GRIA2: variants seen among roughly 807,000 people sequenced by gnomAD.
GRIA2 encodes glutamate ionotropic receptor AMPA type subunit 2.
Under a neutral mutation model 97.3 loss-of-function variants are expected in GRIA2, and 14 were observed. That is an observed-to-expected ratio of 0.14 (90% confidence interval 0.10 to 0.23). The LOEUF (loss-of-function observed/expected upper bound fraction) is 0.23, where lower values mean the gene tolerates loss of function less well. GRIA2 is among the 10% of genes least tolerant of loss of function. The pLI is 1.00. For missense variants in GRIA2, 558 were observed against 1,069.8 expected (o/e 0.52, Z 6.67); for synonymous variants, 412 against 387.8 (o/e 1.06, Z -0.73).
chr4:157,360,272 A>G, intron 13 of GRIA2, 129 bp downstream of exon 13: 1 of 863,910 alleles, frequency 1.2e-6, no homozygotes, highest in Non-Finnish European at 1.8e-6. Context: ...AATGACCAAA[A>G]AACGTTTCTG....
intron 2 of GRIA2, among the ~76,000 whole-genome samples, chr4:157,301,120 G>A (rs1436327644): frequency 6.6e-6 from 1 of 152,164 alleles, no homozygotes; most frequent in Non-Finnish European, 1.5e-5. Context: ...AATAGACCCA[G>A]AGAGAATTTT....
chr4:157,350,662 T>G (rs1001172668), intron 12 of GRIA2, among the ~76,000 whole-genome samples: 21 of 152,136 alleles, frequency 1.4e-4, no homozygotes, highest in Non-Finnish European at 3.1e-4. Flanking sequence ...TTATTTTGCT[T>G]ACTTATATAT....
At chr4:157,286,817 A>G (rs991603674) in intron 2 of GRIA2, among the ~76,000 whole-genome samples, 1 of 151,600 alleles carries the variant, frequency 6.6e-6, no homozygotes, top group African/African-American at 2.4e-5. Context: ...CCTTTGTGGC[A>G]GTCAACACAT....
intron 2 of GRIA2, among the ~76,000 whole-genome samples, chr4:157,268,807 C>A (rs1731883829): frequency 6.6e-6 from 1 of 151,524 alleles, no homozygotes; most frequent in Admixed American, 6.6e-5. Context: ...GTTATCTTTT[C>A]TTGATGATGA....
chr4:157,250,164 A>T (rs1187062220), intron 2 of GRIA2, among the ~76,000 whole-genome samples: 1 of 152,130 alleles, frequency 6.6e-6, no homozygotes, highest in Non-Finnish European at 1.5e-5. Context: ...TAAGTTGAAG[A>T]TACAAGTATA....
chr4:157,339,054 A>T, intron 11 of GRIA2, among the ~76,000 whole-genome samples: 1 of 151,978 alleles, frequency 6.6e-6, no homozygotes, highest in East Asian at 1.9e-4. Context: ...AGAGTTATTT[A>T]TTAAATTAAG....
At chr4:157,339,736 C>T (rs953663280) in intron 11 of GRIA2, among the ~76,000 whole-genome samples, 1 of 151,784 alleles carries the variant, frequency 6.6e-6, no homozygotes, top group African/African-American at 2.4e-5. Context: ...GGGATTTGAG[C>T]AGGCAGGTAC....
chr4:157,354,091 C>A (rs186567628), intron 12 of GRIA2, among the ~76,000 whole-genome samples: 3 of 152,194 alleles, frequency 2.0e-5, no homozygotes, highest in South Asian at 2.1e-4. Flanking sequence ...AATACAAATT[C>A]TTTTAATCCA....
chr4:157,337,979 C>A (rs1268314402), intron 11 of GRIA2, among the ~76,000 whole-genome samples: 1 of 141,966 alleles, frequency 7.0e-6, no homozygotes, highest in African/African-American at 2.6e-5. Context: ...GGAATTTGCA[C>A]AGCATGACAT....
intron 2 of GRIA2, among the ~76,000 whole-genome samples, chr4:157,239,823 T>C (rs547707674): frequency 9.9e-5 from 15 of 152,118 alleles, no homozygotes; most frequent in African/African-American, 3.1e-4. Flanking sequence ...AGATTTTCCA[T>C]TTTTATATAT....
At chr4:157,347,841 T>C (rs773640156) in intron 12 of GRIA2, among the ~76,000 whole-genome samples, 14 of 152,192 alleles carry the variant, frequency 9.2e-5, no homozygotes, top group Admixed American at 2.0e-4. Context: ...TTTTGATATT[T>C]GAAGGAAAAT....
At chr4:157,322,648 GT>G (rs2126908736) in intron 6 of GRIA2, among the ~76,000 whole-genome samples, 1 of 152,290 alleles carries the variant, frequency 6.6e-6, no homozygotes, top group East Asian at 1.9e-4. Context: ...GCTAAGGGTA[GT>G]TTAAAGAGTG....
chr4:157,301,913 G>A (rs946757258), intron 2 of GRIA2, among the ~76,000 whole-genome samples: 1 of 152,062 alleles, frequency 6.6e-6, no homozygotes, highest in Admixed American at 6.6e-5. Context: ...GGTGGCTCAT[G>A]CCTGTAATCC....
chr4:157,323,479 A>C (rs926814991), intron 6 of GRIA2, among the ~76,000 whole-genome samples: 1 of 151,400 alleles, frequency 6.6e-6, no homozygotes, highest in African/African-American at 2.4e-5. Flanking sequence ...TGTGCCTAGA[A>C]GGGGTCTAAC....
chr4:157,221,447 G>C (rs1554004500), intron 1 of GRIA2: 1 of 587,532 alleles, frequency 1.7e-6, no homozygotes, highest in Non-Finnish European at 3.0e-6. Context: ...GAAAGGTGAA[G>C]GTTTCTGGCC....
At position 157,312,860 on chromosome 4, in the gene GRIA2, C is replaced by T. The variant is rs774807805; in HGVS notation, c.651C>T (p.Asn217=). The T allele has an allele frequency of 4.2e-5, 67 of 1,590,048 alleles. No homozygotes were observed. Among genetic ancestry groups the T allele is most frequent in the Middle Eastern group, 1.7e-4 (1 of 5,940 alleles). ...VILDCERDKV[N]DIVDQVITIG... ...TGGACTGTGAAAGGGATAAAGTAAACGACATTGTAGACCAGGTTTGCTACT... is the reference window on the plus strand; with the variant it reads ...TGGACTGTGAAAGGGATAAAGTAAATGACATTGTAGACCAGGTTTGCTACT... Residue 217 remains asparagine (N), a synonymous_variant, in exon 4 of 16, where the codon AAC becomes AAT. Coordinates refer to ENST00000264426, the MANE Select transcript of GRIA2 (RefSeq NM_001083619.3).
rs984537355 is a variant in GRIA2 at position 157,221,566 on chromosome 4, G to A, written c.89-101G>A. On this transcript the variant is annotated intron_variant, in intron 1 of 15. Coordinates refer to ENST00000264426, the MANE Select transcript of GRIA2 (RefSeq NM_001083619.3). ...AGGTGTGTTTATTCGGCCTATTCGC[G>A]TGAATAAGAGACTCTTGGATTTTTG... 9 of 1,216,386 alleles carry A rather than the reference G, an allele frequency of 7.4e-6. No individual in the cohort carries two copies. In the African/African-American group the frequency reaches 1.2e-4, roughly 16 times the overall value. 75.3% of individuals were successfully genotyped at this position (1,216,386 alleles called of 1,614,324 possible). A position where few individuals can be genotyped will look rare whatever the true frequency, so the allele number is the denominator to read the frequency against.
intron 2 of GRIA2, among the ~76,000 whole-genome samples, chr4:157,229,099 A>T (rs1729886392): frequency 6.6e-6 from 1 of 152,234 alleles, no homozygotes; most frequent in African/African-American, 2.4e-5. Context: ...CAAAAGTATT[A>T]TTTTTACATT....
intron 2 of GRIA2, among the ~76,000 whole-genome samples, chr4:157,272,274 C>A (rs1732063443): frequency 6.6e-6 from 1 of 151,986 alleles, no homozygotes; most frequent in East Asian, 1.9e-4. Flanking sequence ...ATTTGCCACT[C>A]CATTAAACTA....
Sources: gnomAD v4.1 joint callset for allele counts (sites outside exome capture counted in the v4.1 genomes callset) on GRCh38, gnomAD v4.1.1 for gene constraint, MANE v1.5 for transcripts, NCBI Gene and HGNC (gene_info 2026-07-23, HGNC 2026-07-21) for gene names.